The following ATP9B variants were observed in gnomAD, a reference collection of about 807,000 sequenced individuals.
The protein encoded by ATP9B is ATPase phospholipid transporting 9B.
In ATP9B, 110 loss-of-function variants were observed where a neutral mutation model predicts 146.1. The observed-to-expected ratio is 0.75, with a 90% CI of 0.65 to 0.88. ATP9B has a LOEUF of 0.88. ATP9B is among the 40% of genes least tolerant of loss of function. ATP9B has a pLI of 0.00. For synonymous variants in ATP9B, 604 were observed against 569.7 expected, an observed-to-expected ratio of 1.06 and a Z score of -0.86; for missense variants, 1,499 against 1,496.4, an observed-to-expected ratio of 1.00 and a Z score of -0.03.
intron 11 of ATP9B, among the ~76,000 whole-genome samples, chr18:79,227,539 TGA>T (rs2095748804): frequency 6.6e-6 from 1 of 152,184 alleles, no homozygotes. Context: ...GGATGGATGA[TGA>T]GTCCAGGGGT....
rs113553858 is a variant in ATP9B, at chr18:79,327,641, G to C, written c.1774-1500G>C. Among the ~76,000 whole-genome samples the C allele has an allele frequency of 8.4e-5, 4 of 47,618 alleles. 1 individual carries two copies. The highest frequency in any genetic ancestry group is 1.7e-4 in the Non-Finnish European group (4 of 24,226). The allele number at this position is 47,618 out of a possible 152,430, so 31.2% of individuals were successfully genotyped here. On this transcript the variant is annotated intron_variant, in intron 15 of 29. Coordinates refer to ENST00000426216, the MANE Select transcript of ATP9B (RefSeq NM_198531.5). ...CTCCCTGGTTAGTGTGCCCTCCCTG[G>C]TTAGCATGCTCTCCGTGTTTAGCGT...
chr18:79,121,504 T>C (rs1271781787), intron 4 of ATP9B, among the ~76,000 whole-genome samples: 1 of 152,240 alleles, frequency 6.6e-6, no homozygotes, highest in East Asian at 1.9e-4. Flanking sequence ...ACCACCAATC[T>C]GTAATGATCC....
At chr18:79,281,400 G>A (rs964018356) in intron 13 of ATP9B, among the ~76,000 whole-genome samples, 1 of 152,064 alleles carries the variant, frequency 6.6e-6, no homozygotes, top group Non-Finnish European at 1.5e-5. Flanking sequence ...CGGAGGCTGA[G>A]GCAGGAGAAT....
intron 25 of ATP9B, 52 bp downstream of exon 25, chr18:79,348,248 G>GAAAAAA (rs56654324): frequency 1.1e-4 from 93 of 827,620 alleles, no homozygotes; most frequent in East Asian, 3.0e-4. Flanking sequence ...CTTCTATTTT[G>GAAAAAA]AAAAAAAAAA....
At chr18:79,169,699 C>T (rs746930636) in intron 7 of ATP9B, among the ~76,000 whole-genome samples, 4 of 151,938 alleles carry the variant, frequency 2.6e-5, no homozygotes, top group African/African-American at 7.3e-5. Flanking sequence ...ACCATTATAC[C>T]GTAGTATTTC....
chr18:79,365,757 C>T (rs531702835), intron 26 of ATP9B, among the ~76,000 whole-genome samples: 2 of 151,338 alleles, frequency 1.3e-5, no homozygotes, highest in African/African-American at 2.4e-5. Context: ...AGGACATCTC[C>T]GTGGACAGGG....
chr18:79,256,302 C>A (rs2096080670), intron 12 of ATP9B, among the ~76,000 whole-genome samples: 2 of 99,644 alleles, frequency 2.0e-5, no homozygotes, highest in Non-Finnish European at 4.0e-5. Context: ...CATAGTGAGG[C>A]TATGTTATTA....
intron 26 of ATP9B, among the ~76,000 whole-genome samples, chr18:79,371,705 C>T (rs2097071813): frequency 6.6e-6 from 1 of 152,212 alleles, no homozygotes; most frequent in Non-Finnish European, 1.5e-5. Context: ...TCAGACAGGC[C>T]CTGAGCACAG....
intron 26 of ATP9B, among the ~76,000 whole-genome samples, chr18:79,366,937 A>G (rs2097033332): frequency 6.6e-6 from 1 of 152,254 alleles, no homozygotes; most frequent in Admixed American, 6.5e-5. Context: ...ACGGGCTAGC[A>G]CTGAACACCC....
At chr18:79,219,836 A>G (rs2095661382) in intron 11 of ATP9B, among the ~76,000 whole-genome samples, 1 of 152,190 alleles carries the variant, frequency 6.6e-6, no homozygotes, top group Non-Finnish European at 1.5e-5. Context: ...TCACAACAAC[A>G]CTTTCGGTAG....
At chr18:79,096,698 T>A in intron 2 of ATP9B, 49 bp downstream of exon 2, 1 of 1,455,318 alleles carries the variant, frequency 6.9e-7, no homozygotes. Context: ...AGGTTACTTA[T>A]AAGGTTAGCT....
intron 11 of ATP9B, among the ~76,000 whole-genome samples, chr18:79,251,546 A>G (rs951695839): frequency 6.6e-5 from 10 of 152,166 alleles, no homozygotes; most frequent in Admixed American, 5.9e-4. Context: ...AATGTAGTAG[A>G]CATTTCAATT....
intron 12 of ATP9B, among the ~76,000 whole-genome samples, chr18:79,263,969 C>A (rs1252029214): frequency 6.6e-6 from 1 of 152,150 alleles, no homozygotes; most frequent in African/African-American, 2.4e-5. Flanking sequence ...CCTGTAGTCC[C>A]AGCTGCTCGG....
At chr18:79,130,701 G>A (rs938789753) in intron 5 of ATP9B, among the ~76,000 whole-genome samples, 3 of 148,988 alleles carry the variant, frequency 2.0e-5, no homozygotes, top group Non-Finnish European at 4.5e-5. Flanking sequence ...CCTGAAAGCA[G>A]AGAGAGAGAG....
intron 9 of ATP9B, among the ~76,000 whole-genome samples, chr18:79,193,984 C>A (rs2095394367): frequency 6.6e-6 from 1 of 152,138 alleles, no homozygotes; most frequent in African/African-American, 2.4e-5. Context: ...AGTTAGTGTG[C>A]AGACTATGGG....
intron 26 of ATP9B, among the ~76,000 whole-genome samples, chr18:79,369,617 TAC>T (rs1211116735): frequency 6.6e-6 from 1 of 151,686 alleles, no homozygotes; most frequent in Non-Finnish European, 1.5e-5. Flanking sequence ...TAAAAGTGGT[TAC>T]AGACTCAGGA....
chr18:79,348,236 G>A (rs1407639540), intron 25 of ATP9B, 40 bp downstream of exon 25: 1 of 1,052,634 alleles, frequency 9.5e-7, no homozygotes, highest in Non-Finnish European at 1.4e-6. Context: ...TCCAGGGGAG[G>A]ACTTCTATTT....
intron 7 of ATP9B, among the ~76,000 whole-genome samples, chr18:79,155,007 A>G (rs549378364): frequency 1.7e-4 from 26 of 152,376 alleles, no homozygotes; most frequent in African/African-American, 6.0e-4. Context: ...GTTTTCATTC[A>G]GATTCATACT....
chr18:79,336,508 A>C, intron 17 of ATP9B, 120 bp from the exon 18 acceptor site: 1 of 801,738 alleles, frequency 1.2e-6, no homozygotes, highest in Non-Finnish European at 2.1e-6. Context: ...TTGGTGATGA[A>C]GGTGGGCACA....
Sources: gnomAD v4.1 joint callset for allele counts (sites outside exome capture counted in the v4.1 genomes callset) on GRCh38, gnomAD v4.1.1 for gene constraint, MANE v1.5 for transcripts, NCBI Gene and HGNC (gene_info 2026-07-23, HGNC 2026-07-21) for gene names.